Variants in CACNB4 observed in about 807,000 individuals in gnomAD.
CACNB4 encodes the protein calcium voltage-gated channel auxiliary subunit beta 4.
CACNB4 carries 32 observed loss-of-function variants against 71.2 expected under a neutral mutation model. The observed-to-expected ratio is 0.45, with a 90% CI of 0.34 to 0.60. The LOEUF (loss-of-function observed/expected upper bound fraction) is 0.60. Among genes scored for constraint, CACNB4 ranks in the 20% least tolerant of loss-of-function variants. The probability of loss-of-function intolerance (pLI) is 0.01; values close to 1 mark genes in which losing one functional copy is unlikely to be tolerated. For synonymous variants in CACNB4, 231 were observed against 236.9 expected (o/e 0.97, Z 0.23); for missense variants, 464 against 647.9 (o/e 0.72, Z 3.08).
intron 2 of CACNB4, among the ~76,000 whole-genome samples, chr2:151,917,228 A>C (rs1398192155): frequency 6.6e-6 from 1 of 152,234 alleles, no homozygotes; most frequent in Non-Finnish European, 1.5e-5. Flanking sequence ...GCTATGAAAG[A>C]CTGAAATCAT....
At chr2:151,870,635 G>T in intron 7 of CACNB4, 24 bp from the exon 8 acceptor site, 2 of 1,587,280 alleles carry the variant, frequency 1.3e-6, no homozygotes, top group Non-Finnish European at 1.7e-6. Flanking sequence ...TTCGACACGC[G>T]TGACAAGGTG....
intron 2 of CACNB4, among the ~76,000 whole-genome samples, chr2:152,051,481 G>C (rs1307891364): frequency 1.3e-5 from 2 of 152,148 alleles, no homozygotes; most frequent in Non-Finnish European, 2.9e-5. Context: ...TTTGGAGATG[G>C]AGCGCTCAGG....
intron 2 of CACNB4, among the ~76,000 whole-genome samples, chr2:152,002,128 C>T (rs147517690): frequency 4.1e-4 from 63 of 152,320 alleles, no homozygotes; most frequent in Admixed American, 1.2e-3. Flanking sequence ...CGCACCTCCA[C>T]GATCTGCAAG....
chr2:151,918,851 C>T (rs2099858208), intron 2 of CACNB4, among the ~76,000 whole-genome samples: 1 of 152,216 alleles, frequency 6.6e-6, no homozygotes, highest in East Asian at 1.9e-4. Context: ...TCATGTTCAC[C>T]ATATCAACAT....
intron 2 of CACNB4, among the ~76,000 whole-genome samples, chr2:152,047,964 G>A (rs1338183363): frequency 2.6e-5 from 4 of 152,162 alleles, no homozygotes; most frequent in African/African-American, 7.2e-5. Context: ...CAGGTCTTAA[G>A]CATTCGCTGC....
chr2:151,858,315 CAT>C (rs1341147932), intron 10 of CACNB4: 1 of 152,180 alleles, frequency 6.6e-6, no homozygotes, highest in Non-Finnish European at 1.5e-5. Flanking sequence ...CAAACCTGTT[CAT>C]ATTTCTCCCA....
chr2:151,994,435 G>C (rs1681921766), intron 2 of CACNB4, among the ~76,000 whole-genome samples: 2 of 151,860 alleles, frequency 1.3e-5, no homozygotes, highest in South Asian at 4.2e-4. Context: ...CAAACTCCTG[G>C]CCTCAAGTGA....
intron 2 of CACNB4, among the ~76,000 whole-genome samples, chr2:152,058,594 G>T (rs1407070821): frequency 6.6e-6 from 1 of 152,204 alleles, no homozygotes; most frequent in African/African-American, 2.4e-5. Context: ...TTGAACTTGA[G>T]AGAGATAATC....
chr2:152,001,526 T>TAAAAAAAAAAAA (rs70974816), intron 2 of CACNB4, among the ~76,000 whole-genome samples: 14 of 35,488 alleles, frequency 3.9e-4, no homozygotes, highest in East Asian at 2.8e-3. Context: ...CCATCTCTAC[T>TAAAAAAAAAAAA]AAAAAAAAAA....
chr2:151,845,085 T>A (rs574954558), intron 12 of CACNB4, among the ~76,000 whole-genome samples: 1 of 152,230 alleles, frequency 6.6e-6, no homozygotes, highest in Non-Finnish European at 1.5e-5. Flanking sequence ...GAGGTTTATA[T>A]CTACTTGGCC....
At chr2:151,860,564 C>T in intron 10 of CACNB4, 147 bp downstream of exon 10, 1 of 669,180 alleles carries the variant, frequency 1.5e-6, no homozygotes, top group Non-Finnish European at 2.7e-6. Flanking sequence ...CTGCTGCCTT[C>T]TTGTCCATAG....
At chr2:151,922,345 G>T (rs993705830) in intron 2 of CACNB4, among the ~76,000 whole-genome samples, 3 of 152,110 alleles carry the variant, frequency 2.0e-5, no homozygotes, top group African/African-American at 4.8e-5. Flanking sequence ...TGGGACTATA[G>T]GCGTGTGCTG....
At position 151,835,845 on chromosome 2, in the gene CACNB4, AT is replaced by A. The variant is rs2099834778; in HGVS notation, c.*3273del. The A allele has an allele frequency of 6.6e-6, 1 of 151,888 alleles. No homozygotes were observed. Among genetic ancestry groups the A allele is most frequent in the South Asian group, 2.1e-4 (1 of 4,834 alleles). The allele number at this position is 151,888 out of a possible 1,614,324, so 9.4% of individuals were successfully genotyped here. A position where few individuals can be genotyped will look rare whatever the true frequency, so the allele number is the denominator to read the frequency against. On this transcript the variant is annotated 3_prime_UTR_variant, in exon 14 of 14. Coordinates refer to ENST00000539935, the MANE Select transcript of CACNB4 (RefSeq NM_000726.5). ...GACAATAATAATTAAATAGCAGATT[AT>A]TTAAAGGAAACAAATAATTGTCTCA...
Position 151,837,308 on chromosome 2 carries a change from G to T in CACNB4, c.*1811C>A, listed in dbSNP as rs886054960. 2 of 152,018 alleles carry T rather than the reference G, an allele frequency of 1.3e-5. No homozygotes were observed. Among genetic ancestry groups the T allele is most frequent in the East Asian group, 3.9e-4 (2 of 5,180 alleles). 9.4% of individuals were successfully genotyped at this position (152,018 alleles called of 1,614,324 possible). On this transcript the variant is annotated 3_prime_UTR_variant, in exon 14 of 14. Transcript: ENST00000539935. ...GGTATCCTCATTATCAGCTAAACAG[G>T]TTCATAATGGGGTACAAACACTGAA...
intron 2 of CACNB4, among the ~76,000 whole-genome samples, chr2:152,087,388 T>A (rs1687718745): frequency 1.4e-5 from 2 of 143,688 alleles, no homozygotes; most frequent in South Asian, 4.3e-4. Context: ...GCTGAGATTG[T>A]GCAACTGCAC....
chr2:152,026,099 AG>A (rs1683954790), intron 2 of CACNB4, among the ~76,000 whole-genome samples: 1 of 152,184 alleles, frequency 6.6e-6, no homozygotes, highest in South Asian at 2.1e-4. Flanking sequence ...AGAGCTTCCT[AG>A]GAGCTACCAG....
At chr2:152,077,794 G>A (rs77884558) in intron 2 of CACNB4, among the ~76,000 whole-genome samples, 6 of 152,260 alleles carry the variant, frequency 3.9e-5, no homozygotes, top group East Asian at 3.9e-4. Flanking sequence ...GAAACACGAA[G>A]ATGAAGTAAG....
rs796387419 is a variant in CACNB4, at chr2:152,086,647, G to T, written c.147+11683C>A. Among the ~76,000 whole-genome samples, 5 of 152,324 alleles carry T rather than the reference G, an allele frequency of 3.3e-5. No homozygotes were observed. In the South Asian group the frequency reaches 1.0e-3, roughly 32 times the overall value. On this transcript the variant is annotated intron_variant, in intron 2 of 13. Transcript: ENST00000539935. Reference sequence around the variant, plus strand: ...CAAACTAAAGGAAGCATTTTGAATTGTAAGTACCCAAGATATTTCTATTAC... The same window carrying T: ...CAAACTAAAGGAAGCATTTTGAATTTTAAGTACCCAAGATATTTCTATTAC...
intron 2 of CACNB4, among the ~76,000 whole-genome samples, chr2:151,905,452 C>T (rs1439218264): frequency 2.0e-5 from 3 of 152,046 alleles, no homozygotes; most frequent in East Asian, 3.8e-4. Flanking sequence ...AACTTAAGAA[C>T]GAGATAATTT....
Sources: gnomAD v4.1 joint callset for allele counts (sites outside exome capture counted in the v4.1 genomes callset) on GRCh38, gnomAD v4.1.1 for gene constraint, MANE v1.5 for transcripts, NCBI Gene and HGNC (gene_info 2026-07-23, HGNC 2026-07-21) for gene names.